PTPRQ: variants seen among roughly 807,000 people sequenced by gnomAD.
PTPRQ encodes phosphatidylinositol phosphatase PTPRQ.
PTPRQ carries 199 observed loss-of-function variants against 246.0 expected under a neutral mutation model. The ratio of observed to expected loss-of-function variants is 0.81; its 90% CI spans 0.72 to 0.91. The LOEUF is 0.91. Ranked by LOEUF, PTPRQ falls within the 40% of genes least tolerant of loss-of-function variation. The pLI is 0.00. For synonymous variants in PTPRQ, 869 were observed against 853.2 expected (o/e 1.02, Z -0.32); for missense variants, 2,624 against 2,528.4 (o/e 1.04, Z -0.81).
chr12:80,619,884 T>C (rs959308971), intron 31 of PTPRQ, among the ~76,000 whole-genome samples: 3 of 151,540 alleles, frequency 2.0e-5, no homozygotes, highest in African/African-American at 7.3e-5. Context: ...CTTGATAGCT[T>C]CTTTGGAGGG....
intron 25 of PTPRQ, chr12:80,583,913 G>C (rs1291211713): frequency 1.3e-5 from 2 of 152,118 alleles, no homozygotes; most frequent in East Asian, 3.9e-4. Flanking sequence ...TTTAGCTAAG[G>C]GCTTCTCTCA....
chr12:80,588,494 T>C (rs1230063784), intron 26 of PTPRQ, 42 bp downstream of exon 26: 2 of 1,428,060 alleles, frequency 1.4e-6, no homozygotes, highest in Admixed American at 6.0e-5. Flanking sequence ...TTCTGTTATA[T>C]TCTGTATCTG....
chr12:80,557,138 A>C (rs1896668818), intron 25 of PTPRQ, among the ~76,000 whole-genome samples: 1 of 152,118 alleles, frequency 6.6e-6, no homozygotes, highest in Admixed American at 6.5e-5. Context: ...GAGCCTCCTA[A>C]GTAATACAGA....
At position 80,482,691 on chromosome 12, in the gene PTPRQ, C is replaced by G. The variant is rs1267504638; in HGVS notation, c.1187-1742C>G. On this transcript the variant is annotated intron_variant, in intron 8 of 44. Transcript: ENST00000644991. The stretch of plus-strand genomic sequence containing the variant: ...AACAAATTTACAAGAGAAAAACAAA[C>G]AACCCCATCAAAAAGTGGGCGAAGG... Among the ~76,000 whole-genome samples, 178 of 149,936 alleles carry G rather than the reference C, an allele frequency of 1.2e-3. 1 individual carries two copies. The highest frequency in any genetic ancestry group is 4.0e-3 in the African/African-American group (156 of 39,410).
intron 37 of PTPRQ, 119 bp from the exon 38 acceptor site, chr12:80,652,625 T>C: frequency 2.1e-6 from 2 of 961,330 alleles, no homozygotes; most frequent in Non-Finnish European, 2.8e-6. Context: ...ACAGTTATGA[T>C]AGGTGTTTTT....
At chr12:80,496,623 C>A in intron 14 of PTPRQ, 92 bp downstream of exon 14, 1 of 1,371,064 alleles carries the variant, frequency 7.3e-7, no homozygotes, top group Non-Finnish European at 9.7e-7. Context: ...TTTACATAAC[C>A]TAAAATCCCT....
rs189633374 is a variant in PTPRQ at position 80,650,389 on chromosome 12, A to C, written c.6024+720A>C. On this transcript the variant is annotated intron_variant, in intron 37 of 44. Transcript: ENST00000644991. ...AACATAAGGTAGATATCAAATCTTCAAGCTACTTTAAGAGTTATAAGCATC... is the reference window on the plus strand; with the variant it reads ...AACATAAGGTAGATATCAAATCTTCCAGCTACTTTAAGAGTTATAAGCATC... Among the ~76,000 whole-genome samples, 69 of 152,080 alleles carry C rather than the reference A, an allele frequency of 4.5e-4. No homozygotes were observed. The East Asian group carries it at 0.012, about 27-fold the overall frequency.
At chr12:80,625,744 G>A (rs377714783) in intron 33 of PTPRQ, among the ~76,000 whole-genome samples, 4 of 152,186 alleles carry the variant, frequency 2.6e-5, no homozygotes, top group Non-Finnish European at 5.9e-5. Flanking sequence ...GGAAGATAAC[G>A]TATGCATTAT....
At position 80,444,729 on chromosome 12, in the gene PTPRQ, G is replaced by T; in HGVS notation, c.55-12G>T. 6.6e-7 allele frequency: 1 copy of T among 1,520,478 alleles called. No homozygotes were observed. The highest frequency in any genetic ancestry group is 8.9e-7 in the Non-Finnish European group (1 of 1,122,076). The allele number at this position is 1,520,478 out of a possible 1,614,324, so 94.2% of individuals were successfully genotyped here. A position where few individuals can be genotyped will look rare whatever the true frequency, so the allele number is the denominator to read the frequency against. ...AGAATTTTAATGCAACTATTTGTTT[G>T]TGGTGTTCTAGGTTGATGTTTCCAA... On this transcript the variant is annotated splice_polypyrimidine_tract_variant and intron_variant, in intron 1 of 44. Coordinates refer to ENST00000644991, the MANE Select transcript of PTPRQ (RefSeq NM_001145026.2).
intron 43 of PTPRQ, among the ~76,000 whole-genome samples, chr12:80,675,713 T>C (rs1050253802): frequency 2.0e-5 from 3 of 152,348 alleles, no homozygotes; most frequent in Non-Finnish European, 1.5e-5. Context: ...AGTCAAAATA[T>C]GTTATAAACT....
At position 80,459,990 on chromosome 12, in the gene PTPRQ, G is replaced by A. The variant is rs75757749; in HGVS notation, c.660+507G>A. Among the ~76,000 whole-genome samples the A allele has an allele frequency of 5.6e-3, 847 of 152,250 alleles. 8 individuals carry two copies. The highest frequency in any genetic ancestry group is 0.02 in the African/African-American group (821 of 41,528). ...GCATATCTTTGGTAAAGAATTTGTC[G>A]TTACTCTGGTCATTGATGATAAACC... On this transcript the variant is annotated intron_variant, in intron 5 of 44. Coordinates refer to ENST00000644991, the MANE Select transcript of PTPRQ (RefSeq NM_001145026.2).
chr12:80,551,028 T>C (rs961920462), intron 25 of PTPRQ, among the ~76,000 whole-genome samples: 12 of 152,122 alleles, frequency 7.9e-5, no homozygotes, highest in African/African-American at 2.9e-4. Context: ...GATCTAGCTG[T>C]TCATTTTCAT....
At chr12:80,453,261 A>G (rs1355623668) in intron 3 of PTPRQ, among the ~76,000 whole-genome samples, 1 of 152,070 alleles carries the variant, frequency 6.6e-6, no homozygotes, top group Non-Finnish European at 1.5e-5. Context: ...CTAGTTATAC[A>G]TTCGTCTACA....
rs1898266288 is a variant in PTPRQ, at chr12:80,605,081, T to C, written c.4632T>C (p.Asn1544=). Residue 1544 remains asparagine (N), a synonymous_variant, in exon 27 of 45, where the codon AAT becomes AAC. Transcript: ENST00000644991. ...LPGPPDGPPE[N]VHVVATSPFS... ...TAGCTCCAGATGGTCCTCCTGAAAATGTTCATGTAGTAGCAACATCACCTT... is the reference window on the plus strand; with the variant it reads ...TAGCTCCAGATGGTCCTCCTGAAAACGTTCATGTAGTAGCAACATCACCTT... 1.3e-6 allele frequency: 2 copies of C among 1,542,856 alleles called. No individual in the cohort carries two copies. Among genetic ancestry groups the C allele is most frequent in the East Asian group, 2.5e-5 (1 of 40,626 alleles).
At chr12:80,463,569 ATT>A (rs1345658844) in intron 6 of PTPRQ, among the ~76,000 whole-genome samples, 1 of 152,074 alleles carries the variant, frequency 6.6e-6, no homozygotes, top group African/African-American at 2.4e-5. Flanking sequence ...TAATTGTCAG[ATT>A]CACCAAAGTT....
chr12:80,472,386 T>C, intron 8 of PTPRQ, 135 bp downstream of exon 8: 1 of 1,263,328 alleles, frequency 7.9e-7, no homozygotes, highest in Non-Finnish European at 1.1e-6. Context: ...TACTACCTAA[T>C]TCATTCTGAA....
chr12:80,448,296 G>GTCGTTA (rs1321008856), intron 3 of PTPRQ, among the ~76,000 whole-genome samples: 7 of 151,600 alleles, frequency 4.6e-5, no homozygotes, highest in African/African-American at 1.7e-4. Context: ...TTTTTGAGTT[G>GTCGTTA]TCGTTAGAGT....
At chr12:80,638,656 C>T (rs1899745750) in intron 35 of PTPRQ, among the ~76,000 whole-genome samples, 1 of 152,126 alleles carries the variant, frequency 6.6e-6, no homozygotes, top group African/African-American at 2.4e-5. Context: ...TAATTATGCT[C>T]CACTTTGTTT....
Position 80,534,180 on chromosome 12 carries a change from G to A in PTPRQ, c.2839+5G>A. The stretch of plus-strand genomic sequence containing the variant: ...GCTTTCAAACACCAGAGGGAGGTGA[G>A]TTAAGGATGTATGCCAATTAAAAGA... On this transcript the variant is annotated splice_donor_5th_base_variant and intron_variant, in intron 18 of 44. Coordinates refer to ENST00000644991, the MANE Select transcript of PTPRQ (RefSeq NM_001145026.2). 2 of 1,502,850 alleles carry A rather than the reference G, an allele frequency of 1.3e-6. No homozygotes were observed. Among genetic ancestry groups the A allele is most frequent in the Non-Finnish European group, 1.8e-6 (2 of 1,125,252 alleles). 93.1% of individuals were successfully genotyped at this position (1,502,850 alleles called of 1,614,324 possible). A position where few individuals can be genotyped will look rare whatever the true frequency, so the allele number is the denominator to read the frequency against.
Sources: allele counts gnomAD v4.1 joint callset (sites outside exome capture counted in the v4.1 genomes callset), GRCh38; gene constraint gnomAD v4.1.1; transcripts MANE v1.5; gene names NCBI Gene and HGNC (gene_info 2026-07-23, HGNC 2026-07-21).